ROBO2: variants seen among roughly 807,000 people sequenced by gnomAD.
ROBO2 encodes the protein roundabout guidance receptor 2, also known as roundabout homolog 2.
In ROBO2, 53 loss-of-function variants were observed where a neutral mutation model predicts 160.8. The observed-to-expected ratio is 0.33, with a 90% CI of 0.26 to 0.41. The LOEUF is 0.41. Ranked by LOEUF, ROBO2 falls within the 10% of genes least tolerant of loss-of-function variation. The pLI is 1.00. For synonymous variants in ROBO2, 664 were observed against 611.7 expected, an observed-to-expected ratio of 1.09 and a Z score of -1.26; for missense variants, 1,577 against 1,722.4, an observed-to-expected ratio of 0.92 and a Z score of 1.49.
intron 2 of ROBO2, among the ~76,000 whole-genome samples, chr3:76,265,906 G>T (rs1707071392): frequency 6.6e-6 from 1 of 152,090 alleles, no homozygotes; most frequent in Non-Finnish European, 1.5e-5. Context: ...CCTTAGAAAG[G>T]GTAGGTGAGT....
intron 2 of ROBO2, among the ~76,000 whole-genome samples, chr3:76,319,340 TAA>T (rs1162259402): frequency 6.6e-6 from 1 of 152,152 alleles, no homozygotes; most frequent in Non-Finnish European, 1.5e-5. Flanking sequence ...ATCCGTATAT[TAA>T]GTAAGTGTTC....
chr3:77,280,867 C>T (rs2153370807), intron 2 of ROBO2, among the ~76,000 whole-genome samples: 1 of 152,248 alleles, frequency 6.6e-6, no homozygotes, highest in East Asian at 1.9e-4. Flanking sequence ...TTACACAAAA[C>T]CAATCAAAAT....
At chr3:77,394,772 C>A (rs2075103253) in intron 2 of ROBO2, among the ~76,000 whole-genome samples, 1 of 152,020 alleles carries the variant, frequency 6.6e-6, no homozygotes, top group African/African-American at 2.4e-5. Context: ...TTTTTAGCCT[C>A]ATTTACCTTA....
At chr3:76,938,421 C>T (rs984463906) in intron 2 of ROBO2, among the ~76,000 whole-genome samples, 5 of 149,850 alleles carry the variant, frequency 3.3e-5, no homozygotes, top group Non-Finnish European at 7.4e-5. Flanking sequence ...CCTACACTGG[C>T]CTGCTTCCCT....
At chr3:77,547,689 T>C (rs1259302991) in intron 7 of ROBO2, among the ~76,000 whole-genome samples, 2 of 151,934 alleles carry the variant, frequency 1.3e-5, no homozygotes, top group Admixed American at 1.3e-4. Flanking sequence ...CTCACTCAGC[T>C]CTCCTTGGTG....
At chr3:77,102,620 C>T (rs551471905) in intron 2 of ROBO2, among the ~76,000 whole-genome samples, 10 of 151,908 alleles carry the variant, frequency 6.6e-5, no homozygotes, top group South Asian at 2.1e-4. Context: ...CAAAAATGTT[C>T]GATTCTACTA....
chr3:76,359,018 C>T (rs1178254927), intron 2 of ROBO2, among the ~76,000 whole-genome samples: 3 of 148,230 alleles, frequency 2.0e-5, no homozygotes, highest in South Asian at 2.2e-4. Context: ...TGAGAACACG[C>T]GGTGTTTGGT....
At chr3:76,034,439 A>AT (rs2067033428) in intron 2 of ROBO2, among the ~76,000 whole-genome samples, 1 of 152,152 alleles carries the variant, frequency 6.6e-6, no homozygotes, top group African/African-American at 2.4e-5. Flanking sequence ...CTAATTTTCT[A>AT]TGATAAGATG....
In ROBO2 at chr3:76,081,851, C is replaced by CACAT. The variant is rs544202868; in HGVS notation, c.109+144252_109+144253insTACA. Among the ~76,000 whole-genome samples the CACAT allele has an allele frequency of 1.3e-3, 192 of 152,012 alleles. 1 individual carries two copies. Among genetic ancestry groups the CACAT allele is most frequent in the African/African-American group, 4.4e-3 (181 of 41,382 alleles). On this transcript the variant is annotated intron_variant, in intron 2 of 26. Coordinates refer to the ROBO2 transcript ENST00000487694. ...ATGTAAATACATACACACACACACA[C>CACAT]ACACACACACCAGAAAAACTGAAAG...
rs1314590597 is a variant in ROBO2 at position 76,048,321 on chromosome 3, TAAAC to T, written c.109+110723_109+110726del. Among the ~76,000 whole-genome samples the T allele has an allele frequency of 2.6e-5, 4 of 152,296 alleles. No individual in the cohort carries two copies. The South Asian group carries it at 8.3e-4, about 32-fold the overall frequency. ...CTGATTGAAATCATACCATTTTAGATAAACAAAATTAAAATTAAACTTATATTTG... is the reference window on the plus strand; with the variant it reads ...CTGATTGAAATCATACCATTTTAGATAAAATTAAAATTAAACTTATATTTG... On this transcript the variant is annotated intron_variant, in intron 2 of 26. Transcript: ENST00000487694.
intron 2 of ROBO2, among the ~76,000 whole-genome samples, chr3:76,395,834 C>T (rs1027876090): frequency 3.3e-5 from 5 of 152,176 alleles, no homozygotes; most frequent in South Asian, 2.1e-4. Flanking sequence ...TAATCAATAG[C>T]TTACCAACCA....
chr3:76,220,646 T>G (rs923665870), intron 2 of ROBO2, among the ~76,000 whole-genome samples: 1 of 152,170 alleles, frequency 6.6e-6, no homozygotes, highest in South Asian at 2.1e-4. Context: ...GGAGCACAGA[T>G]GCACTAAGAC....
chr3:75,913,658 CATT>C (rs1257987038), intron 1 of ROBO2, among the ~76,000 whole-genome samples: 1 of 152,090 alleles, frequency 6.6e-6, no homozygotes, highest in Non-Finnish European at 1.5e-5. Flanking sequence ...TAATTAAACT[CATT>C]ATTTATCAAG....
intron 1 of ROBO2, among the ~76,000 whole-genome samples, chr3:77,058,030 G>A (rs1029125276): frequency 2.0e-5 from 3 of 151,978 alleles, no homozygotes; most frequent in Non-Finnish European, 4.4e-5. Context: ...TTGATTGAAC[G>A]TTAATGTTAT....
chr3:76,807,519 T>G (rs575704360), intron 2 of ROBO2, among the ~76,000 whole-genome samples: 1 of 152,228 alleles, frequency 6.6e-6, no homozygotes, highest in Non-Finnish European at 1.5e-5. Context: ...ATTTCAAAAC[T>G]TATTAACTCA....
At chr3:76,210,787 T>C (rs1021115581) in intron 2 of ROBO2, among the ~76,000 whole-genome samples, 3 of 152,160 alleles carry the variant, frequency 2.0e-5, no homozygotes, top group African/African-American at 7.2e-5. Flanking sequence ...TGTAAACCTG[T>C]TCTTTCCCCT....
chr3:76,190,925 T>G (rs376168083), intron 2 of ROBO2, among the ~76,000 whole-genome samples: 31 of 152,276 alleles, frequency 2.0e-4, no homozygotes, highest in East Asian at 1.2e-3. Flanking sequence ...GTTTTTTGAT[T>G]GCTTAGACTT....
intron 2 of ROBO2, among the ~76,000 whole-genome samples, chr3:77,310,208 G>A (rs10511054): frequency 0.14 from 20,844 of 151,980 alleles, 1,605 homozygotes; most frequent in Admixed American, 0.23. Flanking sequence ...CGTTTATTGC[G>A]AAATTGTCCT....
chr3:75,911,382 G>A (rs1307481387), intron 1 of ROBO2, among the ~76,000 whole-genome samples: 1 of 152,024 alleles, frequency 6.6e-6, no homozygotes, highest in Non-Finnish European at 1.5e-5. Flanking sequence ...TGTGTAAAAT[G>A]GGGAGACTAA....
Sources: allele counts gnomAD v4.1 joint callset (sites outside exome capture counted in the v4.1 genomes callset), GRCh38; gene constraint gnomAD v4.1.1; transcripts MANE v1.5; gene names NCBI Gene and HGNC (gene_info 2026-07-23, HGNC 2026-07-21).